The following SULT4A1 variants were observed in gnomAD, a reference collection of about 807,000 sequenced individuals.
The protein encoded by SULT4A1 is sulfotransferase family 4A member 1.
Under a neutral mutation model 35.2 loss-of-function variants are expected in SULT4A1, and 11 were observed. That is an observed-to-expected ratio of 0.31 (90% CI 0.20 to 0.52). The LOEUF is 0.52. Among genes scored for constraint, SULT4A1 ranks in the 20% least tolerant of loss-of-function variants. The pLI is 0.97. For synonymous variants in SULT4A1, 152 were observed against 151.8 expected, an observed-to-expected ratio of 1.00 and a Z score of -0.01; for missense variants, 271 against 383.7, an observed-to-expected ratio of 0.71 and a Z score of 2.45.
rs1309779857 is a variant in SULT4A1 at position 43,824,723 on chromosome 22, AAC to A, written c.*1276_*1277del. Reference sequence around the variant, plus strand: ...CACGCTTCTCCCCATTACAAACAAAAACACAAGCTTCTCTCTACACCCGTTTC... The same window carrying A: ...CACGCTTCTCCCCATTACAAACAAAAACAAGCTTCTCTCTACACCCGTTTC... On this transcript the variant is annotated 3_prime_UTR_variant, in exon 7 of 7. Transcript: ENST00000330884. 6 of 152,182 alleles carry A rather than the reference AAC, an allele frequency of 3.9e-5. No homozygotes were observed. The highest frequency in any genetic ancestry group is 8.8e-5 in the Non-Finnish European group (6 of 68,006). The allele number at this position is 152,182 out of a possible 1,614,324, so 9.4% of individuals were successfully genotyped here.
At chr22:43,848,732 G>A (rs1026137439) in intron 1 of SULT4A1, among the ~76,000 whole-genome samples, 6 of 152,214 alleles carry the variant, frequency 3.9e-5, no homozygotes, top group Non-Finnish European at 1.5e-5. Context: ...GAGCAGTGAG[G>A]GCAAATACAC....
At chr22:43,845,104 T>C (rs2063465010) in intron 1 of SULT4A1, among the ~76,000 whole-genome samples, 1 of 152,162 alleles carries the variant, frequency 6.6e-6, no homozygotes, top group Non-Finnish European at 1.5e-5. Flanking sequence ...TTCTCAGTCA[T>C]CACCTTGTCT....
chr22:43,836,307 A>G (rs1389702984), intron 4 of SULT4A1, among the ~76,000 whole-genome samples: 1 of 138,054 alleles, frequency 7.2e-6, no homozygotes, highest in African/African-American at 2.9e-5. Context: ...GACCCTGTCT[A>G]CACAGCGTCC....
chr22:43,848,503 C>T (rs926218745), intron 1 of SULT4A1, among the ~76,000 whole-genome samples: 1 of 152,220 alleles, frequency 6.6e-6, no homozygotes, highest in Non-Finnish European at 1.5e-5. Context: ...GTGGTTCCCT[C>T]CACTAGCCTC....
At chr22:43,861,747 C>T (rs998946267) in intron 1 of SULT4A1, among the ~76,000 whole-genome samples, 1 of 152,234 alleles carries the variant, frequency 6.6e-6, no homozygotes, top group East Asian at 1.9e-4. Context: ...AGGGACGTTA[C>T]GTTTCCACGC....
intron 5 of SULT4A1, among the ~76,000 whole-genome samples, chr22:43,832,772 G>A (rs773177343): frequency 2.6e-5 from 4 of 152,120 alleles, no homozygotes; most frequent in African/African-American, 4.8e-5. Flanking sequence ...CTGCAGGTGT[G>A]GGGAAAGTAC....
chr22:43,858,936 G>A (rs2049434553), intron 1 of SULT4A1, among the ~76,000 whole-genome samples: 5 of 152,152 alleles, frequency 3.3e-5, no homozygotes. Flanking sequence ...CCTCCATGCA[G>A]TCTCCCGAGA....
At chr22:43,854,915 A>G (rs567147826) in intron 1 of SULT4A1, among the ~76,000 whole-genome samples, 1 of 152,342 alleles carries the variant, frequency 6.6e-6, no homozygotes, top group East Asian at 1.9e-4. Flanking sequence ...AGGCCCTGAG[A>G]GAGGCGACAG....
intron 1 of SULT4A1, among the ~76,000 whole-genome samples, chr22:43,860,016 G>A (rs117275276): frequency 0.012 from 1,842 of 152,272 alleles, 15 homozygotes; most frequent in Middle Eastern, 0.024. Flanking sequence ...GACAGGAAGC[G>A]AAGGCAGGAT....
intron 4 of SULT4A1, among the ~76,000 whole-genome samples, chr22:43,835,852 T>C (rs2063367017): frequency 6.6e-6 from 1 of 152,208 alleles, no homozygotes; most frequent in African/African-American, 2.4e-5. Flanking sequence ...CGTGTGGTCC[T>C]GCGCTGATGT....
At chr22:43,852,989 C>T (rs1326632051) in intron 1 of SULT4A1, among the ~76,000 whole-genome samples, 1 of 152,026 alleles carries the variant, frequency 6.6e-6, no homozygotes, top group Non-Finnish European at 1.5e-5. Context: ...CTCAAACTTT[C>T]GCTCCAGAAC....
Position 43,862,403 on chromosome 22 carries a change from C to A in SULT4A1, c.-21G>T. On this transcript the variant is annotated 5_prime_UTR_variant, in exon 1 of 7. Coordinates refer to ENST00000330884, the MANE Select transcript of SULT4A1 (RefSeq NM_014351.4). ...GCCATGCCGCCGCCGTCGCCGTCGC[C>A]GCCGCCGCCTCCCGGCTCGCAGCCC... The A allele has an allele frequency of 8.1e-7, 1 of 1,236,160 alleles. No homozygotes were observed. Among genetic ancestry groups the A allele is most frequent in the Non-Finnish European group, 1.0e-6 (1 of 969,702 alleles). 76.6% of individuals were successfully genotyped at this position (1,236,160 alleles called of 1,614,324 possible).
chr22:43,827,065 G>C (rs139061065), intron 6 of SULT4A1: 69 of 985,320 alleles, frequency 7.0e-5, no homozygotes, highest in Admixed American at 6.1e-5. Context: ...CAATAGCAAC[G>C]GTGACCGTGA....
At chr22:43,831,337 C>T (rs1462719564) in intron 5 of SULT4A1, among the ~76,000 whole-genome samples, 1 of 152,200 alleles carries the variant, frequency 6.6e-6, no homozygotes, top group Non-Finnish European at 1.5e-5. Context: ...GGGCGCTTTC[C>T]CTATTCACCT....
Position 43,862,201 on chromosome 22 carries a change from G to T in SULT4A1, c.169+13C>A. The T allele has an allele frequency of 6.6e-7, 1 of 1,525,974 alleles. No homozygotes were observed. Among genetic ancestry groups the T allele is most frequent in the Non-Finnish European group, 8.8e-7 (1 of 1,137,066 alleles). 94.5% of individuals were successfully genotyped at this position (1,525,974 alleles called of 1,614,324 possible). A position where few individuals can be genotyped will look rare whatever the true frequency, so the allele number is the denominator to read the frequency against. On this transcript the variant is annotated intron_variant, in intron 1 of 6. Coordinates refer to ENST00000330884, the MANE Select transcript of SULT4A1 (RefSeq NM_014351.4). ...GGGCATGGCGTGGCGGGCGCGGTCG[G>T]CGCGGGGCTCACCGGACTTGGGGTA... is the stretch of plus-strand genomic sequence containing the variant.
intron 4 of SULT4A1, among the ~76,000 whole-genome samples, chr22:43,835,584 C>T (rs1490086581): frequency 3.3e-5 from 5 of 152,106 alleles, no homozygotes; most frequent in Admixed American, 6.5e-5. Context: ...ACCAACAGGT[C>T]AATAATCATG....
intron 5 of SULT4A1, 24 bp downstream of exon 5, chr22:43,833,616 G>A (rs1166269391): frequency 1.3e-6 from 2 of 1,577,704 alleles, no homozygotes; most frequent in South Asian, 1.2e-5. Flanking sequence ...GCACCCGGAG[G>A]ACAGCTGCTC....
intron 1 of SULT4A1, among the ~76,000 whole-genome samples, chr22:43,859,518 G>C (rs2049441691): frequency 6.6e-6 from 1 of 152,230 alleles, no homozygotes; most frequent in South Asian, 2.1e-4. Flanking sequence ...TCAACCTGTT[G>C]ACAAAACCAG....
intron 6 of SULT4A1, chr22:43,826,711 C>T: frequency 2.0e-6 from 2 of 985,444 alleles, no homozygotes; most frequent in Non-Finnish European, 2.4e-6. Flanking sequence ...TTTCAAGAAG[C>T]CTGCCCTGGC....
Sources: gnomAD v4.1 joint callset for allele counts (sites outside exome capture counted in the v4.1 genomes callset) on GRCh38, gnomAD v4.1.1 for gene constraint, MANE v1.5 for transcripts, NCBI Gene and HGNC (gene_info 2026-07-23, HGNC 2026-07-21) for gene names.